The following KAT2B variants were observed in gnomAD, a reference collection of about 807,000 sequenced individuals.
The protein encoded by KAT2B is lysine acetyltransferase 2B.
A neutral mutation model predicts 105.9 loss-of-function variants in KAT2B; 36 were observed. The observed-to-expected ratio is 0.34, with a 90% CI of 0.26 to 0.45. The LOEUF is 0.45. Ranked by LOEUF, KAT2B falls within the 20% of genes least tolerant of loss-of-function variation. The pLI, the probability that KAT2B is intolerant of heterozygous loss-of-function variation, is 1.00. For synonymous variants in KAT2B, 397 were observed against 377.9 expected, an observed-to-expected ratio of 1.05 and a Z score of -0.59; for missense variants, 820 against 1,021.6, an observed-to-expected ratio of 0.80 and a Z score of 2.69.
intron 6 of KAT2B, among the ~76,000 whole-genome samples, chr3:20,112,151 A>C (rs1033527630): frequency 6.7e-6 from 1 of 149,816 alleles, no homozygotes; most frequent in Non-Finnish European, 1.5e-5. Flanking sequence ...AAATGGTGCA[A>C]AAGAGCTCAA....
Position 20,126,919 on chromosome 3 carries a change from T to C in KAT2B, c.1623-504T>C, listed in dbSNP as rs572828081. 4.6e-5 allele frequency among the ~76,000 whole-genome samples: 7 copies of C among 152,176 alleles called. No individual in the cohort carries two copies. The South Asian group carries it at 8.3e-4, about 18-fold the overall frequency. ...ATAGCCCAGTAGCCTATGGGGACTG[T>C]GATCCATGCCTGTGACAATTCAGAG... On this transcript the variant is annotated intron_variant, in intron 10 of 17. Coordinates refer to ENST00000263754, the MANE Select transcript of KAT2B (RefSeq NM_003884.5).
chr3:20,068,157 G>T (rs1362961530), intron 1 of KAT2B, among the ~76,000 whole-genome samples: 1 of 150,536 alleles, frequency 6.6e-6, no homozygotes, highest in African/African-American at 2.4e-5. Context: ...CCACCATGCC[G>T]ACTAATTTTT....
At chr3:20,058,453 CAAAAAAAA>C (rs35239760) in intron 1 of KAT2B, among the ~76,000 whole-genome samples, 1 of 74,550 alleles carries the variant, frequency 1.3e-5, no homozygotes, top group African/African-American at 5.3e-5. Flanking sequence ...GACTCTGTCT[CAAAAAAAA>C]AAAAAAAAAA....
chr3:20,131,182 A>G (rs979381619), intron 11 of KAT2B, among the ~76,000 whole-genome samples: 4 of 151,594 alleles, frequency 2.6e-5, no homozygotes, highest in African/African-American at 7.3e-5. Context: ...TGCCCGGCTA[A>G]TTTTTGTATT....
At chr3:20,109,742 A>G (rs137944428) in intron 5 of KAT2B, among the ~76,000 whole-genome samples, 6 of 152,324 alleles carry the variant, frequency 3.9e-5, no homozygotes, top group Non-Finnish European at 7.3e-5. Flanking sequence ...TGCACTTTAT[A>G]ATTTTTTTCT....
At chr3:20,072,238 C>T in intron 1 of KAT2B, 95 bp from the exon 2 acceptor site, 1 of 1,270,084 alleles carries the variant, frequency 7.9e-7, no homozygotes, top group Non-Finnish European at 1.1e-6. Context: ...GAGGGGATAG[C>T]TGTCATATAA....
intron 9 of KAT2B, among the ~76,000 whole-genome samples, chr3:20,124,355 C>T (rs1699362254): frequency 6.6e-6 from 1 of 152,068 alleles, no homozygotes; most frequent in South Asian, 2.1e-4. Flanking sequence ...TCTGGGGAGG[C>T]CTCAGGGAAC....
chr3:20,056,549 GT>G (rs1023481796), intron 1 of KAT2B, among the ~76,000 whole-genome samples: 2 of 152,170 alleles, frequency 1.3e-5, no homozygotes, highest in Non-Finnish European at 2.9e-5. Flanking sequence ...GTCAGTTACT[GT>G]TACAATTAAA....
intron 1 of KAT2B, among the ~76,000 whole-genome samples, chr3:20,045,509 C>T (rs1176269242): frequency 6.6e-6 from 1 of 151,998 alleles, no homozygotes; most frequent in Admixed American, 6.6e-5. Flanking sequence ...CACCACCATG[C>T]CTGCTTGGGA....
chr3:20,144,588 C>T (rs371518186), intron 13 of KAT2B, among the ~76,000 whole-genome samples: 6 of 146,186 alleles, frequency 4.1e-5, no homozygotes, highest in African/African-American at 1.5e-4. Context: ...CAAGCCCAGC[C>T]AGGTTTCTTT....
chr3:20,086,638 G>A (rs1045088237), intron 2 of KAT2B, among the ~76,000 whole-genome samples: 2 of 152,086 alleles, frequency 1.3e-5, no homozygotes, highest in African/African-American at 4.8e-5. Flanking sequence ...GTATTGGGGT[G>A]CACACCCATG....
Position 20,120,234 on chromosome 3 carries a change from T to G in KAT2B, c.1276+511T>G, listed in dbSNP as rs567285803. Among the ~76,000 whole-genome samples, 42 of 152,184 alleles carry G rather than the reference T, an allele frequency of 2.8e-4. 1 individual carries two copies. Among genetic ancestry groups the G allele is most frequent in the African/African-American group, 7.7e-4 (32 of 41,498 alleles). On this transcript the variant is annotated intron_variant, in intron 8 of 17. Transcript: ENST00000263754. ...CATTCTTTTTTTTTTTCCTTTTCTT[T>G]TCTTTTTATTTGAGACAGAGTCTCA... is the stretch of plus-strand genomic sequence containing the variant.
In KAT2B at chr3:20,153,728, A is replaced by C. The variant is rs529438348; in HGVS notation, c.*1203A>C. ...CTCTGGGAAAACCAACTAATATACA[A>C]CCATATAAATGAAGGCCATCTTGAT... On this transcript the variant is annotated 3_prime_UTR_variant, in exon 18 of 18. Coordinates refer to ENST00000263754, the MANE Select transcript of KAT2B (RefSeq NM_003884.5). 1.3e-5 allele frequency: 2 copies of C among 152,688 alleles called. No individual in the cohort carries two copies. Among genetic ancestry groups the C allele is most frequent in the African/African-American group, 4.8e-5 (2 of 41,564 alleles). 9.5% of individuals were successfully genotyped at this position (152,688 alleles called of 1,614,324 possible).
chr3:20,063,734 G>C (rs1234841366), intron 1 of KAT2B, among the ~76,000 whole-genome samples: 2 of 151,164 alleles, frequency 1.3e-5, no homozygotes, highest in Non-Finnish European at 2.9e-5. Context: ...GTAGTGACAG[G>C]GTTTCACCAT....
At chr3:20,061,577 C>G (rs1698101414) in intron 1 of KAT2B, among the ~76,000 whole-genome samples, 1 of 151,758 alleles carries the variant, frequency 6.6e-6, no homozygotes, top group African/African-American at 2.4e-5. Context: ...GCAGCCATAC[C>G]ATTTTACGTC....
intron 17 of KAT2B, among the ~76,000 whole-genome samples, chr3:20,151,299 G>A (rs910646642): frequency 6.6e-6 from 1 of 152,146 alleles, no homozygotes; most frequent in Non-Finnish European, 1.5e-5. Context: ...TGATGCAAAT[G>A]AATTCCTTCC....
Position 20,059,346 on chromosome 3 carries a change from G to A in KAT2B, c.304-12987G>A, listed in dbSNP as rs186104845. Among the ~76,000 whole-genome samples, 148 of 149,846 alleles carry A rather than the reference G, an allele frequency of 9.9e-4. 1 individual carries two copies. Among genetic ancestry groups the A allele is most frequent in the African/African-American group, 3.4e-3 (139 of 40,660 alleles). On this transcript the variant is annotated intron_variant, in intron 1 of 17. Coordinates refer to ENST00000263754, the MANE Select transcript of KAT2B (RefSeq NM_003884.5). ...GGAGAATCGCTTGAACCTGGGAGGC[G>A]GAGGTTGCAGTGAGCTGAGATCATC...
At chr3:20,061,119 T>G (rs1306021509) in intron 1 of KAT2B, among the ~76,000 whole-genome samples, 1 of 152,228 alleles carries the variant, frequency 6.6e-6, no homozygotes. Context: ...TGAAACTCTG[T>G]GTTCATTAAA....
At chr3:20,148,935 T>G (rs570001220) in intron 17 of KAT2B, 59 of 156,510 alleles carry the variant, frequency 3.8e-4, no homozygotes, top group Non-Finnish European at 6.5e-4. Context: ...ACTGCTGTAC[T>G]TTCAGAGGGA....
Sources: allele counts gnomAD v4.1 joint callset (sites outside exome capture counted in the v4.1 genomes callset), GRCh38; gene constraint gnomAD v4.1.1; transcripts MANE v1.5; gene names NCBI Gene and HGNC (gene_info 2026-07-23, HGNC 2026-07-21).